TJAP1: variants seen among roughly 807,000 people sequenced by gnomAD.
TJAP1 encodes tight junction associated protein 1.
Under a neutral mutation model 42.0 loss-of-function variants are expected in TJAP1, and 27 were observed. The observed-to-expected ratio is 0.64, with a 90% CI of 0.47 to 0.89. TJAP1 has a LOEUF of 0.89. Ranked by LOEUF, TJAP1 falls within the 40% of genes least tolerant of loss-of-function variation. The pLI, the probability that TJAP1 is intolerant of heterozygous loss-of-function variation, is 0.00. For synonymous variants in TJAP1, 257 were observed against 288.4 expected (o/e 0.89, Z 1.10); for missense variants, 712 against 726.9 (o/e 0.98, Z 0.24).
chr6:43,503,118 C>T, intron 8 of TJAP1: 1 of 500,756 alleles, frequency 2.0e-6, no homozygotes, highest in Non-Finnish European at 3.6e-6. Flanking sequence ...TTGCCTGGTG[C>T]CCAGAGCCCC....
chr6:43,486,692 A>G (rs937402175), intron 2 of TJAP1, among the ~76,000 whole-genome samples: 16 of 152,076 alleles, frequency 1.1e-4, no homozygotes, highest in African/African-American at 3.9e-4. Flanking sequence ...TAGCATCCCT[A>G]GAAAGGTCTT....
intron 4 of TJAP1, among the ~76,000 whole-genome samples, chr6:43,499,643 G>A (rs1239333580): frequency 1.3e-5 from 2 of 152,250 alleles, no homozygotes; most frequent in Admixed American, 1.3e-4. Context: ...CCTATAGTCA[G>A]CTGCAAAACA....
intron 2 of TJAP1, among the ~76,000 whole-genome samples, chr6:43,496,013 G>A (rs1789015667): frequency 6.6e-6 from 1 of 152,172 alleles, no homozygotes; most frequent in African/African-American, 2.4e-5. Flanking sequence ...GGACAAGGGA[G>A]TACAGAGGAA....
intron 2 of TJAP1, among the ~76,000 whole-genome samples, chr6:43,494,926 C>G (rs933363264): frequency 6.6e-6 from 1 of 152,236 alleles, no homozygotes; most frequent in African/African-American, 2.4e-5. Context: ...GGGAGGTGCC[C>G]TGGAGCCAGC....
intron 2 of TJAP1, among the ~76,000 whole-genome samples, chr6:43,493,539 TC>T (rs1202704501): frequency 1.3e-5 from 2 of 152,252 alleles, no homozygotes; most frequent in South Asian, 4.1e-4. Context: ...GATTCCTGTC[TC>T]CCTCTCCTGG....
chr6:43,503,693 A>AC lies in TJAP1; in HGVS notation c.567dup (p.Lys190GlnfsTer8). ...TGCAACAAGTCCCACTTCCGAAACC[A>AC]CAAGTTTGCCGATGTGAGTAGAACT... is the stretch of plus-strand genomic sequence containing the variant. On this transcript the variant is annotated frameshift_variant, in exon 10 of 11. Transcript: ENST00000372449. LOFTEE classifies it high-confidence loss of function. 1.9e-6 allele frequency: 3 copies of AC among 1,614,020 alleles called. No homozygotes were observed. Among genetic ancestry groups the AC allele is most frequent in the Non-Finnish European group, 2.5e-6 (3 of 1,179,990 alleles).
At chr6:43,481,296 G>A (rs989565349) in intron 2 of TJAP1, among the ~76,000 whole-genome samples, 10 of 150,914 alleles carry the variant, frequency 6.6e-5, no homozygotes, top group African/African-American at 2.2e-4. Context: ...CTTGGGCCTG[G>A]GTTGAATGGA....
At chr6:43,486,053 C>T (rs970555389) in intron 2 of TJAP1, among the ~76,000 whole-genome samples, 3 of 151,348 alleles carry the variant, frequency 2.0e-5, no homozygotes, top group Admixed American at 6.6e-5. Context: ...CTCACTGCAA[C>T]CTCCGCCTCC....
intron 8 of TJAP1, 58 bp downstream of exon 8, chr6:43,502,675 C>T: frequency 6.5e-7 from 1 of 1,540,312 alleles, no homozygotes; most frequent in Non-Finnish European, 8.8e-7. Context: ...CAGCTGAGAT[C>T]TGGGATTGTG....
chr6:43,505,172 GTA>G lies in TJAP1; in HGVS notation c.992_993del (p.Val331AspfsTer5). ...ACACCCACTGTATCCTGGCCGCAGG[GTA>G]ATAGAGTTCTCTGAGGATAAGGTTC... On this transcript the variant is annotated frameshift_variant, in exon 11 of 11. Transcript: ENST00000372449. LOFTEE classifies it high-confidence loss of function. The surrounding 1 kb of genome is among the most constrained non-coding windows in gnomAD (Gnocchi z 5.5). 6.2e-7 allele frequency: 1 copy of G among 1,614,074 alleles called. No homozygotes were observed. Among genetic ancestry groups the G allele is most frequent in the East Asian group, 2.2e-5 (1 of 44,898 alleles).
intron 2 of TJAP1, among the ~76,000 whole-genome samples, chr6:43,478,901 A>G (rs1196314588): frequency 6.6e-6 from 1 of 152,190 alleles, no homozygotes; most frequent in African/African-American, 2.4e-5. Flanking sequence ...TGAGACCCCT[A>G]ATATTTGAGA....
Position 43,505,604 on chromosome 6 carries a change from C to A in TJAP1, c.1423C>A (p.Pro475Thr), listed in dbSNP as rs778115763. ...GAGTGAGCTTTTGCTACCCACAGAA[C>A]CTGACTCTGGCTTTCCCAGGGAGGA... Residue 475 changes from proline (P) to threonine (T), a missense_variant, in exon 11 of 11, where the codon CCT (proline) becomes ACT (threonine). By Grantham distance (38) the Pro-to-Thr change is conservative. Around this residue, in one of 3 missense-constraint regions of TJAP1, gnomAD observed 549 missense variants for 528.2 expected, o/e 1.04. Transcript: ENST00000372449. The surrounding 1 kb of genome is among the most constrained non-coding windows in gnomAD (Gnocchi z 5.5). 2.5e-6 allele frequency: 4 copies of A among 1,613,562 alleles called. No homozygotes were observed. In the East Asian group the frequency reaches 8.9e-5, roughly 36 times the overall value.
intron 2 of TJAP1, among the ~76,000 whole-genome samples, chr6:43,486,740 C>G (rs1295082273): frequency 6.6e-6 from 1 of 152,126 alleles, no homozygotes; most frequent in East Asian, 1.9e-4. Flanking sequence ...TCTATGCTGC[C>G]CTTTCTATTG....
intron 2 of TJAP1, among the ~76,000 whole-genome samples, chr6:43,487,379 A>G (rs1484299871): frequency 5.3e-5 from 8 of 152,216 alleles, no homozygotes; most frequent in Admixed American, 2.6e-4. Context: ...AGGTAGCCCA[A>G]GTAGGGAACT....
chr6:43,499,216 T>G, intron 4 of TJAP1, 116 bp downstream of exon 4: 2 of 1,478,792 alleles, frequency 1.4e-6, no homozygotes, highest in Non-Finnish European at 1.8e-6. Context: ...GAGTGGGCCT[T>G]GCTGTTGCAG....
intron 2 of TJAP1, among the ~76,000 whole-genome samples, chr6:43,481,548 CAAT>C (rs1489617087): frequency 8.7e-5 from 9 of 103,048 alleles, no homozygotes; most frequent in African/African-American, 3.2e-4. Flanking sequence ...AAATTTGAAA[CAAT>C]AAATAATAAA....
intron 7 of TJAP1, 44 bp from the exon 8 acceptor site, chr6:43,502,544 C>T: frequency 6.4e-7 from 1 of 1,551,054 alleles, no homozygotes; most frequent in Non-Finnish European, 8.7e-7. Flanking sequence ...CTTTCCTCGT[C>T]TCCCCCTCAT....
At chr6:43,489,927 G>A (rs1353707979) in intron 2 of TJAP1, 1 of 152,372 alleles carries the variant, frequency 6.6e-6, no homozygotes, top group Non-Finnish European at 1.5e-5. Context: ...CACAAACCAA[G>A]CTGTCTGTTT....
chr6:43,481,001 T>A (rs1458001820), intron 2 of TJAP1, among the ~76,000 whole-genome samples: 1 of 152,218 alleles, frequency 6.6e-6, no homozygotes, highest in African/African-American at 2.4e-5. Context: ...TTTAGGTTGG[T>A]ATCAAGTTAA....
Sources: gnomAD v4.1 joint callset for allele counts (sites outside exome capture counted in the v4.1 genomes callset) on GRCh38, gnomAD v4.1.1 for gene constraint, gnomAD v4.1.1 regional missense constraint, Gnocchi (gnomAD v3.1) non-coding constraint, MANE v1.5 for transcripts, NCBI Gene and HGNC (gene_info 2026-07-23, HGNC 2026-07-21) for gene names.